Variants in KIZ observed in about 807,000 individuals in gnomAD.
KIZ encodes the protein centrosomal protein kizuna.
A neutral mutation model predicts 79.6 loss-of-function variants in KIZ; 68 were observed. The ratio of observed to expected loss-of-function variants is 0.85; its 90% CI spans 0.70 to 1.05. The LOEUF (loss-of-function observed/expected upper bound fraction) is 1.05. KIZ is among the 50% of genes least tolerant of loss of function. The pLI, the probability that KIZ is intolerant of heterozygous loss-of-function variation, is 0.00. For missense variants in KIZ, 797 were observed against 800.4 expected (o/e 1.00, Z 0.05); for synonymous variants, 280 against 281.8 (o/e 0.99, Z 0.06).
chr20:21,140,666 A>T (rs2032465577), intron 3 of KIZ, among the ~76,000 whole-genome samples: 1 of 152,150 alleles, frequency 6.6e-6, no homozygotes, highest in Non-Finnish European at 1.5e-5. Context: ...AAAGGGGCTG[A>T]ATAAACACAG....
At position 21,246,496 on chromosome 20, in the gene KIZ, G is replaced by A; in HGVS notation, c.1942G>A (p.Asp648Asn). ...TTTTCCAGCCCTCTGGGATGAGTCT[G>A]ATGACAGTAACTCAGAAATTGAGGC... is the stretch of plus-strand genomic sequence containing the variant. ...LKSNALWDES[D>N]DSNSEIEAAL... Residue 648 changes from aspartate to asparagine, a missense_variant, in exon 13 of 13, where the codon GAT becomes AAT. Asp to Asn is a conservative substitution (Grantham distance 23). Coordinates refer to ENST00000619189, the MANE Select transcript of KIZ (RefSeq NM_018474.6). The A allele has an allele frequency of 1.9e-6, 3 of 1,607,796 alleles. No individual in the cohort carries two copies. The highest frequency in any genetic ancestry group is 2.6e-6 in the Non-Finnish European group (3 of 1,174,620).
intron 3 of KIZ, 68 bp downstream of exon 3, chr20:21,136,620 ATG>A: frequency 8.9e-7 from 1 of 1,127,362 alleles, no homozygotes; most frequent in Non-Finnish European, 1.2e-6. Flanking sequence ...TTTCTTCAAG[ATG>A]AGACCTCACT....
chr20:21,149,276 G>A, intron 4 of KIZ, among the ~76,000 whole-genome samples: 1 of 152,058 alleles, frequency 6.6e-6, no homozygotes, highest in East Asian at 1.9e-4. Context: ...AGAAATTCCT[G>A]GTGAAATAAA....
At chr20:21,166,884 C>G (rs1163800575) in intron 6 of KIZ, among the ~76,000 whole-genome samples, 2 of 152,182 alleles carry the variant, frequency 1.3e-5, no homozygotes, top group Non-Finnish European at 2.9e-5. Flanking sequence ...TGAGCCACCA[C>G]GCCCAGCCTG....
At chr20:21,135,417 C>A (rs1185317789) in intron 2 of KIZ, among the ~76,000 whole-genome samples, 1 of 152,100 alleles carries the variant, frequency 6.6e-6, no homozygotes. Context: ...AGTTTTTATT[C>A]AGAAAGAAAA....
chr20:21,166,495 G>A (rs574261255), intron 6 of KIZ: 21 of 1,564,606 alleles, frequency 1.3e-5, no homozygotes, highest in Admixed American at 3.3e-5. Context: ...GAAACCGGAC[G>A]ATGACTTTGG....
At position 21,162,730 on chromosome 20, in the gene KIZ, G is replaced by A. The variant is rs74868745; in HGVS notation, c.1043-120G>A. The A allele has an allele frequency of 3.1e-3, 2,677 of 875,264 alleles. 54 individuals carry two copies. The African/African-American group carries it at 0.041, about 13-fold the overall frequency. 54.2% of individuals were successfully genotyped at this position (875,264 alleles called of 1,614,324 possible). On this transcript the variant is annotated intron_variant, in intron 5 of 12. Transcript: ENST00000619189. ...AAACGTGTTTAAGCTTTTAAGTTCC[G>A]TAATGAATTGTGTGTGGGTTGCTTC...
chr20:21,223,331 T>C (rs2036559727), intron 9 of KIZ, among the ~76,000 whole-genome samples: 1 of 152,218 alleles, frequency 6.6e-6, no homozygotes, highest in Non-Finnish European at 1.5e-5. Flanking sequence ...GGTTTAATTG[T>C]TGAGTTGCCC....
intron 6 of KIZ, among the ~76,000 whole-genome samples, chr20:21,184,146 CTTT>C (rs545005735): frequency 2.1e-4 from 29 of 137,640 alleles, no homozygotes; most frequent in Admixed American, 1.3e-3. Flanking sequence ...TCCCTGACAT[CTTT>C]TTTTTTTTTT....
At chr20:21,218,510 T>G (rs1246056128) in intron 9 of KIZ, 4 of 152,126 alleles carry the variant, frequency 2.6e-5, no homozygotes, top group Admixed American at 2.6e-4. Flanking sequence ...GTGTGATCCT[T>G]CTCTCTCTCT....
intron 6 of KIZ, among the ~76,000 whole-genome samples, chr20:21,192,831 CAG>C (rs2035173434): frequency 6.6e-6 from 1 of 152,106 alleles, no homozygotes; most frequent in Non-Finnish European, 1.5e-5. Context: ...GAAGAACATA[CAG>C]TGGCCTGGGA....
Position 21,205,551 on chromosome 20 carries a change from C to T in KIZ, c.1413C>T (p.Thr471=). ...CACAGGTGGGTCAGCATGTTGCCACCTTGAAAGAACATGATAATTCTGTCA... is the reference window on the plus strand; with the variant it reads ...CACAGGTGGGTCAGCATGTTGCCACTTTGAAAGAACATGATAATTCTGTCA... The part of the protein sequence containing the change: ...PRAQVGQHVA[T]LKEHDNSVKE... The change falls in exon 7 of 13, where the codon ACC becomes ACT. Residue 471 remains threonine (T), a synonymous_variant. Coordinates refer to ENST00000619189, the MANE Select transcript of KIZ (RefSeq NM_018474.6). 1 of 1,556,176 alleles carries T rather than the reference C, an allele frequency of 6.4e-7. No individual in the cohort carries two copies. Among genetic ancestry groups the T allele is most frequent in the Non-Finnish European group, 8.8e-7 (1 of 1,140,052 alleles).
chr20:21,166,282 G>A (rs1600430263), intron 6 of KIZ: 1 of 1,601,448 alleles, frequency 6.2e-7, no homozygotes. Context: ...GCCAGCTGAG[G>A]TTGTCAGTAC....
intron 4 of KIZ, among the ~76,000 whole-genome samples, chr20:21,148,573 C>T (rs565635488): frequency 1.3e-5 from 2 of 152,212 alleles, no homozygotes; most frequent in Admixed American, 1.3e-4. Context: ...AATTCTTCAC[C>T]TCTATTATAT....
At chr20:21,177,793 G>A (rs1255468715) in intron 6 of KIZ, among the ~76,000 whole-genome samples, 1 of 152,010 alleles carries the variant, frequency 6.6e-6, no homozygotes, top group East Asian at 1.9e-4. Context: ...TTTTGCATAT[G>A]GATTTCCAGT....
At chr20:21,216,047 T>TA (rs1314255821) in intron 9 of KIZ, among the ~76,000 whole-genome samples, 2 of 152,114 alleles carry the variant, frequency 1.3e-5, no homozygotes, top group Non-Finnish European at 2.9e-5. Flanking sequence ...AAGCAGATAA[T>TA]AAAAAAATGT....
At chr20:21,227,958 T>G (rs2036711086) in intron 9 of KIZ, among the ~76,000 whole-genome samples, 1 of 152,234 alleles carries the variant, frequency 6.6e-6, no homozygotes, top group Non-Finnish European at 1.5e-5. Context: ...GTATATATTT[T>G]AATTATATAC....
At chr20:21,243,062 G>C (rs2037273099) in intron 11 of KIZ, among the ~76,000 whole-genome samples, 1 of 152,176 alleles carries the variant, frequency 6.6e-6, no homozygotes, top group Non-Finnish European at 1.5e-5. Context: ...TGTGATGTGT[G>C]TGTCACTTTC....
upstream of KIZ, chr20:21,126,074 G>A (rs570353034): frequency 1.3e-5 from 17 of 1,356,924 alleles, no homozygotes; most frequent in South Asian, 1.9e-4. Context: ...CCGGCCGAAC[G>A]GCCACCCAGA....
Sources: gnomAD v4.1 joint callset for allele counts (sites outside exome capture counted in the v4.1 genomes callset) on GRCh38, gnomAD v4.1.1 for gene constraint, MANE v1.5 for transcripts, NCBI Gene and HGNC (gene_info 2026-07-23, HGNC 2026-07-21) for gene names.